GRM7: variants seen among roughly 807,000 people sequenced by gnomAD.
The protein encoded by GRM7 is glutamate metabotropic receptor 7, also known as metabotropic glutamate receptor 7.
In GRM7, 35 loss-of-function variants were observed where a neutral mutation model predicts 84.5. The ratio of observed to expected loss-of-function variants is 0.41; its 90% CI spans 0.32 to 0.55. The LOEUF is 0.55. GRM7 is among the 20% of genes least tolerant of loss of function. The pLI, the probability that GRM7 is intolerant of heterozygous loss-of-function variation, is 0.19. For synonymous variants in GRM7, 487 were observed against 455.1 expected (o/e 1.07, Z -0.89); for missense variants, 1,003 against 1,194.6 (o/e 0.84, Z 2.36).
chr3:7,010,449 C>T (rs1695332479), intron 1 of GRM7, among the ~76,000 whole-genome samples: 1 of 152,134 alleles, frequency 6.6e-6, no homozygotes, highest in Non-Finnish European at 1.5e-5. Context: ...GCAAGACTCC[C>T]TCTCTCTAAA....
chr3:7,178,560 C>T lies in GRM7; in HGVS notation c.736+31892C>T, dbSNP rs111535601. Among the ~76,000 whole-genome samples the T allele has an allele frequency of 1.0e-3, 155 of 152,138 alleles. 1 individual carries two copies. The Middle Eastern group carries it at 0.01, about 10-fold the overall frequency. ...GCTGTTTGGTTTGTATAGGTTTATACGCTGAATGTGATGGCTAGATTCAAG... is the reference window on the plus strand; with the variant it reads ...GCTGTTTGGTTTGTATAGGTTTATATGCTGAATGTGATGGCTAGATTCAAG... On this transcript the variant is annotated intron_variant, in intron 2 of 9. Transcript: ENST00000357716.
chr3:6,969,188 C>T (rs79590236), intron 1 of GRM7, among the ~76,000 whole-genome samples: 5,439 of 151,518 alleles, frequency 0.036, 142 homozygotes, highest in Non-Finnish European at 0.057. Flanking sequence ...TTATAGTTTT[C>T]AAAGTTGGCC....
At chr3:7,687,637 A>G (rs1700635405) in intron 9 of GRM7, among the ~76,000 whole-genome samples, 1 of 152,172 alleles carries the variant, frequency 6.6e-6, no homozygotes, top group South Asian at 2.1e-4. Flanking sequence ...CAGGAGGGGA[A>G]AAATATTGCT....
intron 4 of GRM7, among the ~76,000 whole-genome samples, chr3:7,326,009 A>G (rs1287732004): frequency 3.3e-5 from 5 of 151,936 alleles, no homozygotes; most frequent in African/African-American, 4.8e-5. Context: ...AATAAATCCA[A>G]CTTGTCTAAG....
chr3:6,974,365 A>G (rs555689769), intron 1 of GRM7, among the ~76,000 whole-genome samples: 27 of 152,306 alleles, frequency 1.8e-4, no homozygotes, highest in African/African-American at 5.1e-4. Context: ...TGGGGGTCCA[A>G]TTGAGGACAT....
intron 2 of GRM7, among the ~76,000 whole-genome samples, chr3:7,209,762 C>A (rs193134885): frequency 1.2e-4 from 18 of 152,202 alleles, no homozygotes; most frequent in African/African-American, 4.3e-4. Context: ...GTAGAGCAGA[C>A]CAGATTAGCC....
chr3:7,113,994 CAGATATTTATCTGATTTCA>C, intron 1 of GRM7, among the ~76,000 whole-genome samples: 1 of 152,114 alleles, frequency 6.6e-6, no homozygotes, highest in Admixed American at 6.5e-5. Context: ...AGATTTTGAA[CAGATATTTATCTGATTTCA>C]ATTGCCCTAA....
chr3:7,412,055 T>C (rs1257735177), intron 4 of GRM7, among the ~76,000 whole-genome samples: 2 of 150,956 alleles, frequency 1.3e-5, no homozygotes, highest in Admixed American at 1.3e-4. Flanking sequence ...TCTCCCTCTC[T>C]CCCTCTTGTC....
At position 7,547,269 on chromosome 3, in the gene GRM7, T is replaced by C. The variant is rs531723266; in HGVS notation, c.1516-31153T>C. ...TCGCCCAGGCTGGAGTGCAGTGGCG[T>C]AATCTCGCCTCACTGCAAGCTCCAC... On this transcript the variant is annotated intron_variant, in intron 7 of 9. Transcript: ENST00000357716. Among the ~76,000 whole-genome samples, 5 of 134,376 alleles carry C rather than the reference T, an allele frequency of 3.7e-5. No homozygotes were observed. The South Asian group carries it at 7.7e-4, about 21-fold the overall frequency. 88.2% of individuals were successfully genotyped at this position (134,376 alleles called of 152,430 possible). A position where few individuals can be genotyped will look rare whatever the true frequency, so the allele number is the denominator to read the frequency against.
chr3:7,427,762 G>T (rs1168126104), intron 5 of GRM7, among the ~76,000 whole-genome samples: 2 of 152,058 alleles, frequency 1.3e-5, no homozygotes, highest in African/African-American at 4.8e-5. Flanking sequence ...GATCATTTTT[G>T]CTATTTTATA....
intron 8 of GRM7, among the ~76,000 whole-genome samples, chr3:7,604,135 T>TAAA (rs34089815): frequency 6.8e-6 from 1 of 146,410 alleles, no homozygotes; most frequent in Admixed American, 6.8e-5. Context: ...GGTTTGTTCT[T>TAAA]AAAAAAAAAA....
intron 1 of GRM7, among the ~76,000 whole-genome samples, chr3:7,040,810 C>T (rs1223501529): frequency 1.3e-5 from 2 of 151,898 alleles, no homozygotes; most frequent in African/African-American, 4.8e-5. Flanking sequence ...AGGCCAGGTG[C>T]AGTGGCTCAT....
intron 5 of GRM7, among the ~76,000 whole-genome samples, chr3:7,428,196 C>T (rs1448336693): frequency 6.6e-6 from 1 of 152,104 alleles, no homozygotes; most frequent in African/African-American, 2.4e-5. Context: ...GTTGGTCCAC[C>T]AAGGAGTGTG....
intron 1 of GRM7, among the ~76,000 whole-genome samples, chr3:6,882,516 G>A (rs565954316): frequency 2.2e-4 from 34 of 151,704 alleles, no homozygotes; most frequent in Non-Finnish European, 3.8e-4. Flanking sequence ...ACTGCCCCCC[G>A]GCCTGGACAA....
intron 4 of GRM7, among the ~76,000 whole-genome samples, chr3:7,400,578 T>C (rs1695408171): frequency 6.6e-6 from 1 of 152,164 alleles, no homozygotes; most frequent in Non-Finnish European, 1.5e-5. Flanking sequence ...CTTGCTGTAA[T>C]TCTCCACTCT....
In GRM7 at chr3:7,535,530, C is replaced by T. The variant is rs542228835; in HGVS notation, c.1516-42892C>T. ...TAGACACAGGAGGCACCTCTATTCA[C>T]CTGGCTTCCTCCATAATTCAACTGA... is the stretch of plus-strand genomic sequence containing the variant. On this transcript the variant is annotated intron_variant, in intron 7 of 9. Transcript: ENST00000357716. Among the ~76,000 whole-genome samples the T allele has an allele frequency of 1.4e-4, 22 of 152,294 alleles. No individual in the cohort carries two copies. In the South Asian group the frequency reaches 2.1e-3, roughly 14 times the overall value.
intron 4 of GRM7, among the ~76,000 whole-genome samples, chr3:7,311,173 C>T (rs1700377777): frequency 6.6e-6 from 1 of 152,068 alleles, no homozygotes; most frequent in African/African-American, 2.4e-5. Flanking sequence ...TTCAAATATA[C>T]CTGGGAAATG....
chr3:6,935,343 C>A (rs1168245682), intron 1 of GRM7, among the ~76,000 whole-genome samples: 3 of 151,592 alleles, frequency 2.0e-5, no homozygotes, highest in Non-Finnish European at 4.4e-5. Flanking sequence ...TATTGTAAAG[C>A]TGCTAGGCTT....
chr3:7,433,961 A>G (rs1166181135), intron 5 of GRM7, among the ~76,000 whole-genome samples: 1 of 152,196 alleles, frequency 6.6e-6, no homozygotes, highest in Non-Finnish European at 1.5e-5. Context: ...CTTTAAATTC[A>G]TCAACATCAT....
Sources: gnomAD v4.1 joint callset for allele counts (sites outside exome capture counted in the v4.1 genomes callset) on GRCh38, gnomAD v4.1.1 for gene constraint, MANE v1.5 for transcripts, NCBI Gene and HGNC (gene_info 2026-07-23, HGNC 2026-07-21) for gene names.